KCNN2: variants seen among roughly 807,000 people sequenced by gnomAD.
KCNN2 encodes the protein small conductance calcium-activated potassium channel protein 2.
KCNN2 carries 24 observed loss-of-function variants against 55.5 expected under a neutral mutation model. The observed-to-expected ratio is 0.43, with a 90% CI of 0.31 to 0.61. KCNN2 has a LOEUF of 0.61. Ranked by LOEUF, KCNN2 falls within the 20% of genes least tolerant of loss-of-function variation. The pLI, the probability that KCNN2 is intolerant of heterozygous loss-of-function variation, is 0.08. For synonymous variants in KCNN2, 431 were observed against 336.1 expected (o/e 1.28, Z -3.09); for missense variants, 754 against 853.6 (o/e 0.88, Z 1.45).
chr5:114,473,027 G>A (rs766976413), intron 4 of KCNN2, 27 bp from the exon 5 acceptor site: 2 of 1,400,110 alleles, frequency 1.4e-6, no homozygotes, highest in Admixed American at 3.7e-5. Flanking sequence ...GTAATGCTTT[G>A]GGTTTCTCTT....
At chr5:114,329,590 G>A (rs965202439) in intron 2 of KCNN2, among the ~76,000 whole-genome samples, 8 of 152,092 alleles carry the variant, frequency 5.3e-5, no homozygotes, top group Admixed American at 4.6e-4. Flanking sequence ...GTGCACTGTT[G>A]GCTTCCTTAG....
At chr5:114,151,076 G>T (rs545526278) in intron 1 of KCNN2, among the ~76,000 whole-genome samples, 1 of 146,962 alleles carries the variant, frequency 6.8e-6, no homozygotes, top group Admixed American at 7.1e-5. Flanking sequence ...TTCCTTTCAG[G>T]CACAACTTTT....
At chr5:114,078,492 T>G (rs905606032) in intron 1 of KCNN2, among the ~76,000 whole-genome samples, 3 of 152,154 alleles carry the variant, frequency 2.0e-5, no homozygotes, top group Non-Finnish European at 4.4e-5. Flanking sequence ...TCCAGGATCC[T>G]TCCCTCACGC....
chr5:114,493,979 C>G (rs1001880785), intron 7 of KCNN2, among the ~76,000 whole-genome samples: 5 of 152,042 alleles, frequency 3.3e-5, no homozygotes, highest in Non-Finnish European at 7.4e-5. Context: ...TTTTATGGTT[C>G]TTTCTCCATT....
At chr5:114,291,477 A>G (rs550762727) in intron 2 of KCNN2, among the ~76,000 whole-genome samples, 48 of 152,246 alleles carry the variant, frequency 3.2e-4, no homozygotes, top group Admixed American at 2.4e-3. Flanking sequence ...GCTGAGAATG[A>G]TGGTTTCCAA....
At chr5:114,226,233 G>A (rs1754235363) in intron 2 of KCNN2, among the ~76,000 whole-genome samples, 1 of 152,052 alleles carries the variant, frequency 6.6e-6, no homozygotes, top group South Asian at 2.1e-4. Flanking sequence ...CCTTTAGAGT[G>A]TTTTATTTTT....
At chr5:114,378,922 G>A (rs1758019659) in intron 2 of KCNN2, among the ~76,000 whole-genome samples, 1 of 152,110 alleles carries the variant, frequency 6.6e-6, no homozygotes, top group Non-Finnish European at 1.5e-5. Context: ...AGTAAAGAGT[G>A]TTTGTTATTT....
intron 1 of KCNN2, among the ~76,000 whole-genome samples, chr5:114,103,725 G>A (rs1049373878): frequency 1.3e-5 from 2 of 149,636 alleles, no homozygotes; most frequent in Admixed American, 6.6e-5. Context: ...GATGGATTAC[G>A]TTTATTGATT....
At chr5:114,426,705 T>C (rs577753065) in intron 3 of KCNN2, among the ~76,000 whole-genome samples, 1 of 152,310 alleles carries the variant, frequency 6.6e-6, no homozygotes, top group South Asian at 2.1e-4. Flanking sequence ...TTACTGCTGT[T>C]AGAGAATGAA....
chr5:114,088,618 A>G lies in KCNN2; in HGVS notation c.-271+32118A>G, dbSNP rs74885779. ...ATTTTTATTTTTGTTTTTTGTTGTTATTTGTTTTGTTTTGTTTTTGAGATG... is the reference window on the plus strand; with the variant it reads ...ATTTTTATTTTTGTTTTTTGTTGTTGTTTGTTTTGTTTTGTTTTTGAGATG... On this transcript the variant is annotated intron_variant, in intron 1 of 10. Transcript: ENST00000512097. Among the ~76,000 whole-genome samples the G allele has an allele frequency of 3.7e-4, 56 of 150,738 alleles. No individual in the cohort carries two copies. In the East Asian group the frequency reaches 9.6e-3, roughly 26 times the overall value.
intron 5 of KCNN2, among the ~76,000 whole-genome samples, chr5:114,478,009 A>G (rs751465541): frequency 6.6e-6 from 1 of 152,204 alleles, no homozygotes; most frequent in Non-Finnish European, 1.5e-5. Context: ...GGGTTAACAC[A>G]TTAAAATGAA....
intron 2 of KCNN2, among the ~76,000 whole-genome samples, chr5:114,270,279 T>G (rs7737235): frequency 1.3e-5 from 2 of 152,138 alleles, no homozygotes; most frequent in Admixed American, 1.3e-4. Flanking sequence ...ATAAATAATA[T>G]ATTGAAAATA....
At chr5:114,221,999 T>G (rs1460913400) in intron 2 of KCNN2, among the ~76,000 whole-genome samples, 2 of 152,176 alleles carry the variant, frequency 1.3e-5, no homozygotes, top group Admixed American at 6.5e-5. Flanking sequence ...CCTTACTAAT[T>G]CACCAAGAAG....
intron 2 of KCNN2, among the ~76,000 whole-genome samples, chr5:114,307,239 G>A (rs1451666032): frequency 2.6e-5 from 4 of 152,174 alleles, no homozygotes; most frequent in African/African-American, 9.7e-5. Flanking sequence ...TTCTCAGTCT[G>A]TGAACTAACT....
chr5:114,486,791 G>C (rs1159582196), intron 5 of KCNN2: 1 of 1,347,972 alleles, frequency 7.4e-7, no homozygotes, highest in Non-Finnish European at 9.7e-7. Context: ...TAAAAAAGAA[G>C]TTTCCTGAAG....
chr5:114,131,885 C>G (rs1451886789), intron 1 of KCNN2, among the ~76,000 whole-genome samples: 1 of 152,152 alleles, frequency 6.6e-6, no homozygotes, highest in East Asian at 1.9e-4. Flanking sequence ...ATCAGTGAAG[C>G]TGAACTTTTT....
intron 3 of KCNN2, among the ~76,000 whole-genome samples, chr5:114,458,846 G>A (rs185594300): frequency 6.6e-6 from 1 of 152,296 alleles, no homozygotes; most frequent in Admixed American, 6.5e-5. Flanking sequence ...GAGGGTTAGA[G>A]AGAAGGGGGG....
At chr5:114,302,040 A>T (rs548737429) in intron 2 of KCNN2, among the ~76,000 whole-genome samples, 1 of 152,344 alleles carries the variant, frequency 6.6e-6, no homozygotes, top group East Asian at 1.9e-4. Flanking sequence ...CTTGAGGAAT[A>T]GTCTATTTCT....
Position 114,496,249 on chromosome 5 carries a change from G to T in KCNN2, c.*67G>T. 1 of 1,516,164 alleles carries T rather than the reference G, an allele frequency of 6.6e-7. No homozygotes were observed. The highest frequency in any genetic ancestry group is 1.4e-5 in the African/African-American group (1 of 73,028). 93.9% of individuals were successfully genotyped at this position (1,516,164 alleles called of 1,614,324 possible). ...TATGGTCAATATTTTAGCTTTTATT[G>T]TAAAGCCCCTATGGTTCTAATCAGC... On this transcript the variant is annotated 3_prime_UTR_variant, in exon 8 of 8. Transcript: ENST00000673685.
Sources: gnomAD v4.1 joint callset for allele counts (sites outside exome capture counted in the v4.1 genomes callset) on GRCh38, gnomAD v4.1.1 for gene constraint, MANE v1.5 for transcripts, NCBI Gene and HGNC (gene_info 2026-07-23, HGNC 2026-07-21) for gene names.